ANKRD11: variants seen among roughly 807,000 people sequenced by gnomAD.
The protein encoded by ANKRD11 is ankyrin repeat domain 11, also known as ankyrin repeat domain-containing protein 11.
A neutral mutation model predicts 195.7 loss-of-function variants in ANKRD11; 17 were observed. That is an observed-to-expected ratio of 0.09 (90% CI 0.06 to 0.13). The LOEUF (loss-of-function observed/expected upper bound fraction) is 0.13, where lower values mean the gene tolerates loss of function less well. ANKRD11 is among the 10% of genes least tolerant of loss of function. The probability of loss-of-function intolerance (pLI) is 1.00; values close to 1 mark genes in which losing one functional copy is unlikely to be tolerated. For synonymous variants in ANKRD11, 1,953 were observed against 1,528.1 expected (o/e 1.28, Z -6.49); for missense variants, 3,735 against 3,566.1 (o/e 1.05, Z -1.21).
At chr16:89,440,225 G>A (rs1002665495) in intron 1 of ANKRD11, among the ~76,000 whole-genome samples, 3 of 152,196 alleles carry the variant, frequency 2.0e-5, no homozygotes, top group African/African-American at 7.2e-5. Flanking sequence ...AATTAGAAAT[G>A]AACATTTTAT....
intron 7 of ANKRD11, chr16:89,286,484 T>C: frequency 3.8e-6 from 2 of 525,704 alleles, no homozygotes; most frequent in South Asian, 2.0e-5. Flanking sequence ...CATTTCTCCG[T>C]TGCCGCAAGT....
In ANKRD11 at chr16:89,279,879, C is replaced by T. The variant is rs1038929796; in HGVS notation, c.6663G>A (p.Val2221=). The T allele has an allele frequency of 5.0e-6, 8 of 1,588,894 alleles. No homozygotes were observed. The highest frequency in any genetic ancestry group is 6.8e-6 in the Non-Finnish European group (8 of 1,169,192). ...TCTCTTCCGGCACCGTCTCCGCCTC[C>T]ACCGCAGCTTCTAGAGCCACGTCCA... ...PKLDVALEAA[V]EAETVPEERA... is the part of the protein sequence containing the mutation. Residue 2221 remains valine, a synonymous_variant, in exon 9 of 13, where the codon GTG becomes GTA. Transcript: ENST00000301030. This position sits in a 1 kb window ranked among gnomAD's most constrained non-coding sequence, Gnocchi z 5.6.
rs200852197 is a variant in ANKRD11 at position 89,279,812 on chromosome 16, C to T, written c.6730G>A (p.Val2244Ile). The change falls in exon 9 of 13, where the codon GTT becomes ATT. Residue 2244 changes from valine to isoleucine, a missense_variant. Physicochemically the swap from Val to Ile is conservative, Grantham distance 29. Transcript: ENST00000301030. This position sits in a 1 kb window ranked among gnomAD's most constrained non-coding sequence, Gnocchi z 5.6. ...CCCAGTGGGCGCTGTTCTGGGGGAA[C>T]GGGCGCGGGCTCCACGCTGGAGTCC... Reference protein sequence around the residue: ...DPDSSVEPAPVPPEQRPLGSG... With the variant: ...DPDSSVEPAPIPPEQRPLGSG... 2.0e-4 allele frequency: 314 copies of T among 1,542,086 alleles called. No individual in the cohort carries two copies. The African/African-American group carries it at 3.4e-3, about 17-fold the overall frequency.
At chr16:89,474,589 G>C (rs980626644) in intron 1 of ANKRD11, among the ~76,000 whole-genome samples, 1 of 152,038 alleles carries the variant, frequency 6.6e-6, no homozygotes, top group Non-Finnish European at 1.5e-5. Context: ...AGGCAGCACA[G>C]GTCACTCTTC....
intron 9 of ANKRD11, chr16:89,278,812 C>T: frequency 1.5e-6 from 1 of 662,366 alleles, no homozygotes; most frequent in Non-Finnish European, 2.8e-6. Flanking sequence ...CCGGGGTGCA[C>T]CCAGGGTGAG....
At chr16:89,375,386 C>T (rs916304668) in intron 2 of ANKRD11, among the ~76,000 whole-genome samples, 3 of 152,150 alleles carry the variant, frequency 2.0e-5, no homozygotes, top group Non-Finnish European at 2.9e-5. Context: ...CCCGGGAGTC[C>T]AAGACTGCAG....
intron 3 of ANKRD11, chr16:89,313,426 G>T: frequency 7.8e-7 from 1 of 1,289,156 alleles, no homozygotes; most frequent in South Asian, 1.2e-5. Flanking sequence ...GTCTGCAGAA[G>T]GGGCCCTTTC....
At chr16:89,294,146 T>G (rs1184544003) in intron 4 of ANKRD11, among the ~76,000 whole-genome samples, 2 of 152,178 alleles carry the variant, frequency 1.3e-5, no homozygotes, top group Admixed American at 1.3e-4. Flanking sequence ...CTCCCTCTGC[T>G]TCTGCTCTGA....
chr16:89,489,478 C>T (rs2057737812), intron 1 of ANKRD11, among the ~76,000 whole-genome samples: 1 of 150,018 alleles, frequency 6.7e-6, no homozygotes, highest in Admixed American at 6.6e-5. Context: ...GGCCTACGCG[C>T]GCCTCCTGCA....
chr16:89,277,481 C>T (rs2151716836), intron 9 of ANKRD11: 1 of 152,424 alleles, frequency 6.6e-6, no homozygotes, highest in South Asian at 2.1e-4. Context: ...AAATTTTCTA[C>T]AGCAGTCAGA....
At chr16:89,338,638 T>C (rs1374858645) in intron 2 of ANKRD11, among the ~76,000 whole-genome samples, 2 of 146,670 alleles carry the variant, frequency 1.4e-5, no homozygotes, top group African/African-American at 5.1e-5. Context: ...GACAGGAGAA[T>C]TGCTTGAACC....
intron 2 of ANKRD11, among the ~76,000 whole-genome samples, chr16:89,350,499 C>T (rs1186557271): frequency 6.6e-6 from 1 of 152,200 alleles, no homozygotes; most frequent in East Asian, 1.9e-4. Flanking sequence ...ACATACACCA[C>T]AGAACCCAGA....
At position 89,279,779 on chromosome 16, in the gene ANKRD11, C is replaced by T. The variant is rs529727438; in HGVS notation, c.6763G>A (p.Asp2255Asn). 1.3e-6 allele frequency: 2 copies of T among 1,531,652 alleles called. No individual in the cohort carries two copies. Among genetic ancestry groups the T allele is most frequent in the African/African-American group, 2.7e-5 (2 of 72,886 alleles). 94.9% of individuals were successfully genotyped at this position (1,531,652 alleles called of 1,614,324 possible). The change falls in exon 9 of 13, where the codon GAC becomes AAC. Residue 2255 changes from aspartate to asparagine, a missense_variant. By Grantham distance (23) the Asp-to-Asn change is conservative. Coordinates refer to ENST00000301030, the MANE Select transcript of ANKRD11 (RefSeq NM_013275.6). This position sits in a 1 kb window ranked among gnomAD's most constrained non-coding sequence, Gnocchi z 5.6. The stretch of plus-strand genomic sequence containing the variant: ...GGGCCTTCAGCCTCAGCCCCCTGGT[C>T]TCCGCTCCCCAGTGGGCGCTGTTCT... ...PPEQRPLGSG[D>N]QGAEAEGPPA...
intron 2 of ANKRD11, among the ~76,000 whole-genome samples, chr16:89,371,132 G>A (rs1597815909): frequency 6.6e-6 from 1 of 152,300 alleles, no homozygotes; most frequent in African/African-American, 2.4e-5. Context: ...CGGGACGAGC[G>A]TCTTGACTTT....
At chr16:89,416,305 T>C (rs976108446) in intron 2 of ANKRD11, among the ~76,000 whole-genome samples, 1 of 152,016 alleles carries the variant, frequency 6.6e-6, no homozygotes, top group Non-Finnish European at 1.5e-5. Context: ...CCATCGATTT[T>C]TTTTTTTCCC....
intron 2 of ANKRD11, among the ~76,000 whole-genome samples, chr16:89,391,097 G>A (rs566110437): frequency 8.6e-5 from 13 of 151,962 alleles, no homozygotes; most frequent in Non-Finnish European, 1.8e-4. Context: ...GCGCGGTGGT[G>A]GGCGCCTGTA....
At chr16:89,398,355 A>G (rs7187126) in intron 2 of ANKRD11, among the ~76,000 whole-genome samples, 10,864 of 67,126 alleles carry the variant, frequency 0.16, 2,191 homozygotes, top group African/African-American at 0.46. Flanking sequence ...TCAGCACTCT[A>G]GGAGGCTGAC....
intron 2 of ANKRD11, among the ~76,000 whole-genome samples, chr16:89,405,409 G>A (rs1378369708): frequency 6.6e-6 from 1 of 151,520 alleles, no homozygotes; most frequent in African/African-American, 2.4e-5. Context: ...CCGTAGCCTC[G>A]ACCTCCTGGG....
chr16:89,461,860 C>T (rs905715520), intron 1 of ANKRD11, among the ~76,000 whole-genome samples: 1 of 152,168 alleles, frequency 6.6e-6, no homozygotes, highest in Non-Finnish European at 1.5e-5. Flanking sequence ...AGCAGCTCAG[C>T]TCTCAGAATG....
Sources: gnomAD v4.1 joint callset for allele counts (sites outside exome capture counted in the v4.1 genomes callset) on GRCh38, gnomAD v4.1.1 for gene constraint, Gnocchi (gnomAD v3.1) non-coding constraint, MANE v1.5 for transcripts, NCBI Gene and HGNC (gene_info 2026-07-23, HGNC 2026-07-21) for gene names.